The following HHLA2 variants were observed in gnomAD, a reference collection of about 807,000 sequenced individuals.
HHLA2 encodes the protein HERV-H LTR-associating protein 2.
Under a neutral mutation model 45.9 loss-of-function variants are expected in HHLA2, and 48 were observed. The ratio of observed to expected loss-of-function variants is 1.05; its 90% CI spans 0.83 to 1.33. The LOEUF (loss-of-function observed/expected upper bound fraction) is 1.33. Ranked by LOEUF, HHLA2 falls within the 40% of genes most tolerant of loss-of-function variation. HHLA2 has a pLI of 0.00. For synonymous variants in HHLA2, 161 were observed against 173.9 expected, an observed-to-expected ratio of 0.93 and a Z score of 0.59; for missense variants, 462 against 494.3, an observed-to-expected ratio of 0.93 and a Z score of 0.62.
At chr3:108,342,854 G>A (rs974235374) in intron 3 of HHLA2, among the ~76,000 whole-genome samples, 5 of 152,154 alleles carry the variant, frequency 3.3e-5, no homozygotes, top group Admixed American at 2.6e-4. Context: ...TGCTTTGAGA[G>A]GTCTTCCTTA....
intron 7 of HHLA2, 57 bp from the exon 7 acceptor site, chr3:108,362,285 C>T: frequency 7.6e-7 from 1 of 1,309,474 alleles, no homozygotes; most frequent in Admixed American, 2.0e-5. Flanking sequence ...CCACACATTT[C>T]TTATCTGGTA....
chr3:108,357,948 A>G, exon 7 of HHLA2: 1 of 1,613,944 alleles, frequency 6.2e-7, no homozygotes, highest in Non-Finnish European at 8.5e-7. Context: ...GTCCAGAATG[A>G]AAAGTGGGAC....
intron 3 of HHLA2, among the ~76,000 whole-genome samples, chr3:108,333,156 G>A (rs1305885076): frequency 1.3e-5 from 2 of 152,152 alleles, no homozygotes; most frequent in Admixed American, 6.5e-5. Flanking sequence ...TCAGGTGTCT[G>A]GATAGCTGAT....
chr3:108,367,378 G>A (rs144536639), intron 8 of HHLA2, among the ~76,000 whole-genome samples: 2,485 of 152,192 alleles, frequency 0.016, 68 homozygotes, highest in African/African-American at 0.057. Context: ...ACAGAAGTAG[G>A]CTTCAGAAGG....
At chr3:108,352,180 C>T (rs1186717520) in intron 4 of HHLA2, among the ~76,000 whole-genome samples, 1 of 151,560 alleles carries the variant, frequency 6.6e-6, no homozygotes, top group Non-Finnish European at 1.5e-5. Flanking sequence ...TGGTACTTAC[C>T]ACTTGACAGA....
At chr3:108,346,685 G>T (rs765154590) in intron 3 of HHLA2, among the ~76,000 whole-genome samples, 1 of 152,170 alleles carries the variant, frequency 6.6e-6, no homozygotes, top group African/African-American at 2.4e-5. Flanking sequence ...AACATTATAT[G>T]TTTTTATCGT....
At chr3:108,333,019 G>T (rs2081412612) in intron 3 of HHLA2, among the ~76,000 whole-genome samples, 1 of 152,184 alleles carries the variant, frequency 6.6e-6, no homozygotes, top group Non-Finnish European at 1.5e-5. Flanking sequence ...CTTCATTGGA[G>T]TAAAAGGCAG....
chr3:108,300,212 A>G (rs1370328432), intron 1 of HHLA2, among the ~76,000 whole-genome samples: 1 of 152,128 alleles, frequency 6.6e-6, no homozygotes, highest in Non-Finnish European at 1.5e-5. Flanking sequence ...ACAGTGTGTG[A>G]GAAGATGAGT....
intron 2 of HHLA2, chr3:108,325,707 A>C (rs1446215281): frequency 9.0e-6 from 2 of 222,590 alleles, no homozygotes; most frequent in Non-Finnish European, 1.8e-5. Flanking sequence ...AATTGTTTCT[A>C]TCTACCAAAT....
At position 108,366,414 on chromosome 3, in the gene HHLA2, A is replaced by C. The variant is rs551489311; in HGVS notation, c.1108+3968A>C. ...ATTGAGGATTTTCGCTTTGATGTTC[A>C]TCAGGGATATTCGCCTGAAGTTTTC... On this transcript the variant is annotated intron_variant, in intron 8 of 10. Transcript: ENST00000619531. Among the ~76,000 whole-genome samples the C allele has an allele frequency of 3.3e-5, 5 of 152,310 alleles. No homozygotes were observed. In the South Asian group the frequency reaches 1.0e-3, roughly 32 times the overall value.
intron 10 of HHLA2, 36 bp from the exon 10 acceptor site, chr3:108,377,222 C>T: frequency 1.4e-6 from 2 of 1,387,542 alleles, no homozygotes; most frequent in Middle Eastern, 1.8e-4. Flanking sequence ...CTGACTTGAA[C>T]AACAGACATT....
At chr3:108,358,140 A>G (rs2081930417) in exon 7 of HHLA2, 1 of 1,609,846 alleles carries the variant, frequency 6.2e-7, no homozygotes, top group Non-Finnish European at 8.5e-7. Flanking sequence ...TACTTTACTT[A>G]CCATCCACAC....
At chr3:108,367,138 C>G (rs1486629724) in intron 8 of HHLA2, among the ~76,000 whole-genome samples, 1 of 152,156 alleles carries the variant, frequency 6.6e-6, no homozygotes, top group African/African-American at 2.4e-5. Context: ...GAAAAACTAA[C>G]AAACAGAAAG....
chr3:108,364,428 A>G (rs552659083), intron 8 of HHLA2, among the ~76,000 whole-genome samples: 1 of 152,266 alleles, frequency 6.6e-6, no homozygotes, highest in African/African-American at 2.4e-5. Flanking sequence ...AGTCTTTGCT[A>G]TTGTGCATAG....
intron 3 of HHLA2, among the ~76,000 whole-genome samples, chr3:108,341,159 G>A (rs1024928788): frequency 2.6e-5 from 4 of 151,782 alleles, no homozygotes; most frequent in African/African-American, 9.7e-5. Flanking sequence ...CACCATGTTG[G>A]CCAGGCTGGT....
chr3:108,360,794 AC>A (rs1463771130), intron 7 of HHLA2, among the ~76,000 whole-genome samples: 2 of 152,240 alleles, frequency 1.3e-5, no homozygotes, highest in African/African-American at 4.8e-5. Flanking sequence ...ACCATGGGTA[AC>A]TAAAACCTCA....
chr3:108,370,685 A>G (rs903256712), intron 8 of HHLA2, among the ~76,000 whole-genome samples: 1 of 152,248 alleles, frequency 6.6e-6, no homozygotes, highest in Non-Finnish European at 1.5e-5. Flanking sequence ...CGAATTCACA[A>G]GCCTCAGTAG....
intron 2 of HHLA2, 37 bp downstream of exon 2, chr3:108,310,778 A>G (rs901034911): frequency 1.3e-4 from 20 of 152,630 alleles, no homozygotes; most frequent in African/African-American, 4.3e-4. Context: ...CTCTATGTGT[A>G]TAAATTCCTT....
chr3:108,358,624 C>G (rs957316233), intron 7 of HHLA2, among the ~76,000 whole-genome samples: 16 of 152,156 alleles, frequency 1.1e-4, no homozygotes, highest in African/African-American at 3.6e-4. Flanking sequence ...AGTATATATT[C>G]CTAGTTCAGT....
Sources: allele counts gnomAD v4.1 joint callset (sites outside exome capture counted in the v4.1 genomes callset), GRCh38; gene constraint gnomAD v4.1.1; transcripts MANE v1.5; gene names NCBI Gene and HGNC (gene_info 2026-07-23, HGNC 2026-07-21).